TSNARE1: variants seen among roughly 807,000 people sequenced by gnomAD.
TSNARE1 encodes t-SNARE domain containing 1.
Under a neutral mutation model 62.0 loss-of-function variants are expected in TSNARE1, and 49 were observed. The ratio of observed to expected loss-of-function variants is 0.79; its 90% CI spans 0.63 to 1.00. The LOEUF (loss-of-function observed/expected upper bound fraction) is 1.00. Among genes scored for constraint, TSNARE1 ranks in the 50% least tolerant of loss-of-function variants. The pLI is 0.00. For missense variants in TSNARE1, 755 were observed against 700.1 expected (o/e 1.08, Z -0.88); for synonymous variants, 328 against 294.4 (o/e 1.11, Z -1.17).
At chr8:142,314,574 GC>G (rs1828219360) in intron 8 of TSNARE1, 134 bp from the exon 9 acceptor site, 1 of 731,602 alleles carries the variant, frequency 1.4e-6, no homozygotes. Flanking sequence ...AGAAGAGGCT[GC>G]CGGGGCCGGG....
At chr8:142,246,681 C>T (rs969588916) in intron 12 of TSNARE1, among the ~76,000 whole-genome samples, 9 of 152,122 alleles carry the variant, frequency 5.9e-5, no homozygotes, top group Non-Finnish European at 1.3e-4. Flanking sequence ...TGGAGGCTGG[C>T]AGAACGGAGG....
At chr8:142,353,645 C>A (rs2130732739) in intron 2 of TSNARE1, among the ~76,000 whole-genome samples, 1 of 152,270 alleles carries the variant, frequency 6.6e-6, no homozygotes, top group South Asian at 2.1e-4. Flanking sequence ...AAATCCAGGG[C>A]ACTGGGGGCT....
chr8:142,259,492 T>G (rs1463677122), intron 12 of TSNARE1, among the ~76,000 whole-genome samples: 1 of 152,140 alleles, frequency 6.6e-6, no homozygotes, highest in Non-Finnish European at 1.5e-5. Flanking sequence ...CATTTACATT[T>G]CTCAGCAGAC....
intron 1 of TSNARE1, among the ~76,000 whole-genome samples, chr8:142,395,979 G>A (rs1303053086): frequency 2.0e-5 from 3 of 151,544 alleles, no homozygotes; most frequent in Non-Finnish European, 4.4e-5. Flanking sequence ...GGCCCGCTCT[G>A]TCCAGGGCAG....
intron 1 of TSNARE1, among the ~76,000 whole-genome samples, chr8:142,368,774 G>C (rs1460679357): frequency 6.6e-6 from 1 of 152,164 alleles, no homozygotes. Context: ...CTCCCCTGAA[G>C]AATAAAAGTC....
chr8:142,221,749 T>TCATC, intron 13 of TSNARE1, among the ~76,000 whole-genome samples: 1 of 51,728 alleles, frequency 1.9e-5, no homozygotes, highest in Middle Eastern at 6.5e-3. Context: ...ACTCACTCAC[T>TCATC]CACTCATTCA....
chr8:142,345,701 G>A (rs923322813), intron 3 of TSNARE1, 42 bp downstream of exon 3: 8 of 1,510,096 alleles, frequency 5.3e-6, no homozygotes, highest in Admixed American at 4.3e-5. Flanking sequence ...TCTCCAAGCC[G>A]CCTTCCCAGG....
chr8:142,381,592 G>A (rs1043500132), intron 1 of TSNARE1, among the ~76,000 whole-genome samples: 6 of 152,346 alleles, frequency 3.9e-5, no homozygotes, highest in Admixed American at 6.5e-5. Flanking sequence ...AGAGGCAGGC[G>A]CCCAGCAGTG....
At chr8:142,346,004 G>A (rs896769015) in intron 2 of TSNARE1, 112 bp from the exon 3 acceptor site, 3 of 1,316,790 alleles carry the variant, frequency 2.3e-6, no homozygotes, top group Admixed American at 2.2e-5. Flanking sequence ...CTCCACTCAG[G>A]GCTCCTCCTC....
Position 142,344,304 on chromosome 8 carries a change from AG to A in TSNARE1, c.406del (p.Leu136TrpfsTer5). On this transcript the variant is annotated frameshift_variant, in exon 4 of 14. Coordinates refer to ENST00000524325, the MANE Select transcript of TSNARE1 (RefSeq NM_145003.5). LOFTEE classifies it high-confidence loss of function. ...PNFCPQETEVLVSKVSKHHQL... is the reference protein window; with the variant it reads ...PNFCPQETEVXVSKVSKHHQL... The stretch of plus-strand genomic sequence containing the variant: ...GTGGTGCTTGCTCACCTTGGACACC[AG>A]CACCTCGGTCTCCTGCGGGCAGAAG... 1 of 1,596,214 alleles carries A rather than the reference AG, an allele frequency of 6.3e-7. No individual in the cohort carries two copies. The highest frequency in any genetic ancestry group is 8.6e-7 in the Non-Finnish European group (1 of 1,167,754).
chr8:142,251,780 A>G (rs113778317), intron 12 of TSNARE1, among the ~76,000 whole-genome samples: 8,004 of 87,846 alleles, frequency 0.091, 327 homozygotes, highest in African/African-American at 0.16. Context: ...CCCGCCGCCC[A>G]CGTTCTCTGT....
rs138367232 is a variant in TSNARE1 at position 142,297,696 on chromosome 8, G to A, written c.1290+2790C>T. On this transcript the variant is annotated intron_variant, in intron 10 of 13. Transcript: ENST00000524325. The stretch of plus-strand genomic sequence containing the variant: ...GCTGCAGAGCAATCGGGCCAGCAGG[G>A]CCTGGCACGTGCGACCTCCGCTGCG... Among the ~76,000 whole-genome samples, 901 of 152,348 alleles carry A rather than the reference G, an allele frequency of 5.9e-3. 12 individuals carry two copies. The highest frequency in any genetic ancestry group is 0.021 in the African/African-American group (859 of 41,580).
intron 6 of TSNARE1, among the ~76,000 whole-genome samples, chr8:142,321,819 A>C (rs1586793189): frequency 1.3e-5 from 2 of 152,224 alleles, no homozygotes; most frequent in South Asian, 4.1e-4. Context: ...GCTTAAAAAC[A>C]TTGCTGCAAA....
Position 142,315,085 on chromosome 8 carries a change from C to T in TSNARE1, c.992G>A (p.Arg331His), listed in dbSNP as rs62000450. 26,088 of 1,613,926 alleles carry T rather than the reference C, an allele frequency of 0.016. 725 individuals are homozygous for T. Among genetic ancestry groups the T allele is most frequent in the Admixed American group, 0.11 (6,897 of 59,998 alleles). The change falls in exon 8 of 14, where the codon CGT becomes CAT. Residue 331 changes from arginine to histidine, a missense_variant. Arg to His is a conservative substitution (Grantham distance 29). Transcript: ENST00000524325. ...ELLRSSCPQE[R>H]LQQERPQLDR... The stretch of plus-strand genomic sequence containing the variant: ...CAGCTGAGGACGCTCCTGCTGCAGA[C>T]GCTCCTGCTGCAGAGAAGGTACAGC...
At position 142,319,778 on chromosome 8, in the gene TSNARE1, A is replaced by G. The variant is rs921482808; in HGVS notation, c.894-1144T>C. On this transcript the variant is annotated intron_variant, in intron 6 of 13. Transcript: ENST00000524325. The surrounding 1 kb of genome is among the most constrained non-coding windows in gnomAD (Gnocchi z 4.9). ...GGCGGGCAGAGCCTGTGGCACACAG[A>G]GGAGTAAGACTGCCCCCCCAGAACA... Among the ~76,000 whole-genome samples the G allele has an allele frequency of 1.3e-5, 2 of 152,090 alleles. No individual in the cohort carries two copies. Among genetic ancestry groups the G allele is most frequent in the Non-Finnish European group, 2.9e-5 (2 of 68,000 alleles).
At chr8:142,332,947 G>A (rs944696333) in intron 4 of TSNARE1, among the ~76,000 whole-genome samples, 7 of 152,240 alleles carry the variant, frequency 4.6e-5, no homozygotes, top group Non-Finnish European at 8.8e-5. Flanking sequence ...TACCGGGGAA[G>A]GGACAGCCAC....
intron 12 of TSNARE1, among the ~76,000 whole-genome samples, chr8:142,238,016 CTT>C (rs1244828367): frequency 6.6e-6 from 1 of 152,110 alleles, no homozygotes; most frequent in African/African-American, 2.4e-5. Flanking sequence ...ATGCATCTGA[CTT>C]AGGGAGGCAG....
intron 12 of TSNARE1, among the ~76,000 whole-genome samples, chr8:142,237,190 C>T (rs1396628990): frequency 6.6e-6 from 1 of 152,106 alleles, no homozygotes. Flanking sequence ...TGCAGTCACA[C>T]GCCTGCCACC....
At chr8:142,396,403 C>T (rs1837900987) in intron 1 of TSNARE1, among the ~76,000 whole-genome samples, 1 of 152,154 alleles carries the variant, frequency 6.6e-6, no homozygotes, top group African/African-American at 2.4e-5. Context: ...CCGCCCACCT[C>T]CCCTCTCCAT....
Sources: gnomAD v4.1 joint callset for allele counts (sites outside exome capture counted in the v4.1 genomes callset) on GRCh38, gnomAD v4.1.1 for gene constraint, Gnocchi (gnomAD v3.1) non-coding constraint, MANE v1.5 for transcripts, NCBI Gene and HGNC (gene_info 2026-07-23, HGNC 2026-07-21) for gene names.